RGS7: variants seen among roughly 807,000 people sequenced by gnomAD.
The protein encoded by RGS7 is regulator of G-protein signaling 7.
RGS7 carries 27 observed loss-of-function variants against 81.1 expected under a neutral mutation model. That is an observed-to-expected ratio of 0.33 (90% confidence interval 0.25 to 0.46). RGS7 has a LOEUF of 0.46. RGS7 is among the 20% of genes least tolerant of loss of function. The probability of loss-of-function intolerance (pLI) is 1.00; values close to 1 mark genes in which losing one functional copy is unlikely to be tolerated. For synonymous variants in RGS7, 208 were observed against 207.7 expected (o/e 1.00, Z -0.01); for missense variants, 396 against 607.4 (o/e 0.65, Z 3.66).
rs532828761 is a variant in RGS7, at chr1:240,998,164, A to G, written c.176-15035T>C. On this transcript the variant is annotated intron_variant, in intron 3 of 18. Transcript: ENST00000440928. ...GGCATCCACGGTTTTTCTCATGAGA[A>G]CGCTGCTGTGGTTTGAATCATTTTT... Among the ~76,000 whole-genome samples, 14 of 152,260 alleles carry G rather than the reference A, an allele frequency of 9.2e-5. 2 individuals are homozygous for G. In the South Asian group the frequency reaches 1.7e-3, roughly 18 times the overall value.
At chr1:241,278,494 G>A (rs1252684008) in intron 2 of RGS7, among the ~76,000 whole-genome samples, 1 of 152,200 alleles carries the variant, frequency 6.6e-6, no homozygotes, top group Non-Finnish European at 1.5e-5. Context: ...TTCAGGCGCA[G>A]CCATTGTTGT....
chr1:241,158,360 C>T (rs1169148456), intron 2 of RGS7, among the ~76,000 whole-genome samples: 2 of 152,146 alleles, frequency 1.3e-5, no homozygotes, highest in African/African-American at 4.8e-5. Flanking sequence ...GATATTCACA[C>T]AGATATAGAC....
intron 3 of RGS7, among the ~76,000 whole-genome samples, chr1:241,064,889 C>A (rs968316729): frequency 1.3e-5 from 2 of 152,046 alleles, no homozygotes; most frequent in African/African-American, 4.8e-5. Flanking sequence ...CCTCCACATT[C>A]ATGTCTTTTA....
In RGS7 at chr1:241,144,290, C is replaced by A. The variant is rs780645941; in HGVS notation, c.79-45528G>T. On this transcript the variant is annotated intron_variant, in intron 2 of 18. Coordinates refer to ENST00000440928, the MANE Select transcript of RGS7 (RefSeq NM_001364886.1). The surrounding 1 kb of genome is among the most constrained non-coding windows in gnomAD (Gnocchi z 4.7). ...GTTGTTTATTTCTCTGCTGTTTATA[C>A]CAAACTTTTCCTGCAAACGCATCCA... is the stretch of plus-strand genomic sequence containing the variant. 1.3e-5 allele frequency among the ~76,000 whole-genome samples: 2 copies of A among 152,102 alleles called. No homozygotes were observed. The highest frequency in any genetic ancestry group is 2.9e-5 in the Non-Finnish European group (2 of 68,028).
At chr1:240,799,761 A>G (rs1034877313) in intron 18 of RGS7, among the ~76,000 whole-genome samples, 1 of 152,202 alleles carries the variant, frequency 6.6e-6, no homozygotes, top group African/African-American at 2.4e-5. Flanking sequence ...GCAAGTCTAT[A>G]CTTTCTACAT....
chr1:241,329,965 G>C (rs1425560251), intron 2 of RGS7, among the ~76,000 whole-genome samples: 2 of 151,268 alleles, frequency 1.3e-5, no homozygotes, highest in Non-Finnish European at 3.0e-5. Flanking sequence ...TTTTGAGATG[G>C]AGTCTCGCTC....
rs552989962 is a variant in RGS7 at position 240,781,063 on chromosome 1, G to A, written c.*7-4850C>T. On this transcript the variant is annotated intron_variant, in intron 18 of 18. Coordinates refer to ENST00000440928, the MANE Select transcript of RGS7 (RefSeq NM_001364886.1). ...AAAAAAAACATGGTTCTCTTTCTATGGTTTTGTTTTTATTTTTTCAAATAT... is the reference window on the plus strand; with the variant it reads ...AAAAAAAACATGGTTCTCTTTCTATAGTTTTGTTTTTATTTTTTCAAATAT... Among the ~76,000 whole-genome samples the A allele has an allele frequency of 1.2e-4, 18 of 150,928 alleles. No homozygotes were observed. The South Asian group carries it at 2.9e-3, about 25-fold the overall frequency.
chr1:240,869,916 G>C, intron 7 of RGS7, 139 bp downstream of exon 7: 1 of 800,202 alleles, frequency 1.2e-6, no homozygotes, highest in Non-Finnish European at 2.2e-6. Context: ...CTCTAGCCTG[G>C]GTGACAAGAG....
chr1:240,972,710 AC>A (rs1352948192), intron 4 of RGS7, among the ~76,000 whole-genome samples: 4 of 23,012 alleles, frequency 1.7e-4, no homozygotes, highest in African/African-American at 2.8e-4. Context: ...AAAAAAAAAA[AC>A]AAAAAAAAAA....
intron 2 of RGS7, among the ~76,000 whole-genome samples, chr1:241,113,576 G>A (rs755848101): frequency 2.6e-5 from 4 of 152,148 alleles, no homozygotes; most frequent in Non-Finnish European, 2.9e-5. Context: ...CTCCCTTAAC[G>A]TTTTGATACT....
chr1:241,195,601 CAG>C (rs751908210), intron 2 of RGS7, among the ~76,000 whole-genome samples: 14 of 151,950 alleles, frequency 9.2e-5, no homozygotes, highest in Non-Finnish European at 1.9e-4. Flanking sequence ...CTTAAGATAA[CAG>C]TGATTAAAAT....
At chr1:240,948,881 G>C (rs1439692661) in intron 4 of RGS7, among the ~76,000 whole-genome samples, 1 of 150,602 alleles carries the variant, frequency 6.6e-6, no homozygotes, top group Non-Finnish European at 1.5e-5. Flanking sequence ...TCACCAAAAG[G>C]GTATAAATGT....
chr1:240,879,989 C>A (rs1666100784), intron 6 of RGS7, among the ~76,000 whole-genome samples: 1 of 152,088 alleles, frequency 6.6e-6, no homozygotes, highest in South Asian at 2.1e-4. Context: ...TCTATATTTG[C>A]TGAAATTATT....
intron 2 of RGS7, among the ~76,000 whole-genome samples, chr1:241,165,503 C>A (rs964405172): frequency 1.3e-5 from 2 of 151,914 alleles, no homozygotes; most frequent in Admixed American, 1.3e-4. Flanking sequence ...AATTGGAAAT[C>A]ATCATTCTCA....
At chr1:241,205,202 G>T (rs1257913871) in intron 2 of RGS7, among the ~76,000 whole-genome samples, 1 of 149,346 alleles carries the variant, frequency 6.7e-6, no homozygotes, top group African/African-American at 2.5e-5. Context: ...TCAGCCTCCA[G>T]AGTAGCTGGA....
At chr1:241,031,423 T>G (rs964826852) in intron 3 of RGS7, among the ~76,000 whole-genome samples, 8 of 152,248 alleles carry the variant, frequency 5.3e-5, no homozygotes, top group African/African-American at 1.9e-4. Context: ...TTGTGAATTG[T>G]GCTGTGATAA....
chr1:241,198,896 A>G (rs1387476719), intron 2 of RGS7, among the ~76,000 whole-genome samples: 1 of 152,210 alleles, frequency 6.6e-6, no homozygotes, highest in Admixed American at 6.5e-5. Context: ...ATCAAACACC[A>G]ATCATTGTCA....
At chr1:240,848,240 G>C (rs1659453288) in intron 9 of RGS7, among the ~76,000 whole-genome samples, 1 of 152,164 alleles carries the variant, frequency 6.6e-6, no homozygotes, top group East Asian at 1.9e-4. Context: ...ATTTGCAAAA[G>C]TATAAAACAG....
At chr1:241,020,565 G>A (rs1254584536) in intron 3 of RGS7, among the ~76,000 whole-genome samples, 1 of 152,096 alleles carries the variant, frequency 6.6e-6, no homozygotes, top group African/African-American at 2.4e-5. Flanking sequence ...TGCAAAGATA[G>A]AATTTTCCAA....
Sources: allele counts gnomAD v4.1 joint callset (sites outside exome capture counted in the v4.1 genomes callset), GRCh38; gene constraint gnomAD v4.1.1; non-coding constraint Gnocchi (gnomAD v3.1); transcripts MANE v1.5; gene names NCBI Gene and HGNC (gene_info 2026-07-23, HGNC 2026-07-21).